DLGAP2: variants seen among roughly 807,000 people sequenced by gnomAD.
DLGAP2 encodes the protein DLG associated protein 2.
Under a neutral mutation model 100.3 loss-of-function variants are expected in DLGAP2, and 26 were observed. The ratio of observed to expected loss-of-function variants is 0.26; its 90% confidence interval spans 0.19 to 0.36. The LOEUF is 0.36. Ranked by LOEUF, DLGAP2 falls within the 10% of genes least tolerant of loss-of-function variation. The pLI, the probability that DLGAP2 is intolerant of heterozygous loss-of-function variation, is 1.00. For synonymous variants in DLGAP2, 886 were observed against 630.1 expected (o/e 1.41, Z -6.08); for missense variants, 1,858 against 1,453.2 (o/e 1.28, Z -4.53).
At chr8:1,468,673 C>T (rs146938297) in intron 3 of DLGAP2, among the ~76,000 whole-genome samples, 6 of 152,250 alleles carry the variant, frequency 3.9e-5, no homozygotes, top group South Asian at 2.1e-4. Context: ...CTGGGGCTGC[C>T]GTAAAACGTG....
At chr8:1,484,996 G>A (rs35803366) in intron 3 of DLGAP2, among the ~76,000 whole-genome samples, 291 of 152,202 alleles carry the variant, frequency 1.9e-3, no homozygotes, top group Non-Finnish European at 3.1e-3. Context: ...CTTAAATTCC[G>A]CTAATAATAA....
intron 3 of DLGAP2, among the ~76,000 whole-genome samples, chr8:1,392,272 A>T (rs1424142428): frequency 6.6e-6 from 1 of 152,108 alleles, no homozygotes. Flanking sequence ...TCCAGATCCC[A>T]GGTCGAGGCG....
intron 2 of DLGAP2, among the ~76,000 whole-genome samples, chr8:1,111,871 G>A (rs541666470): frequency 1.3e-5 from 2 of 152,054 alleles, no homozygotes; most frequent in Non-Finnish European, 2.9e-5. Flanking sequence ...GAGCATTCAC[G>A]TGCATGTGTC....
chr8:798,708 C>T (rs751158906), intron 1 of DLGAP2, among the ~76,000 whole-genome samples: 11 of 124,866 alleles, frequency 8.8e-5, no homozygotes, highest in Non-Finnish European at 1.8e-4. Flanking sequence ...CCCCGTGCCC[C>T]GGCGCTGGCC....
chr8:739,971 G>C (rs998036530), intron 1 of DLGAP2: 3 of 152,206 alleles, frequency 2.0e-5, no homozygotes, highest in African/African-American at 7.2e-5. Context: ...GCTCGGGCGC[G>C]TGGGATCTGC....
intron 1 of DLGAP2, among the ~76,000 whole-genome samples, chr8:798,389 C>T (rs113068872): frequency 1.2e-3 from 101 of 83,248 alleles, no homozygotes; most frequent in African/African-American, 1.6e-3. Context: ...GGCCAGGTGA[C>T]GGGTGCCTGC....
At chr8:1,195,162 C>T (rs1011664486) in intron 2 of DLGAP2, among the ~76,000 whole-genome samples, 6 of 152,258 alleles carry the variant, frequency 3.9e-5, no homozygotes, top group Non-Finnish European at 7.3e-5. Context: ...GAACAGTGAA[C>T]ATCTGAAGAG....
At chr8:985,553 A>G (rs1422586511) in intron 2 of DLGAP2, among the ~76,000 whole-genome samples, 1 of 152,254 alleles carries the variant, frequency 6.6e-6, no homozygotes, top group Non-Finnish European at 1.5e-5. Context: ...AAATTTTACA[A>G]AGAGAATTTA....
At chr8:1,672,419 G>A (rs193032069) in intron 10 of DLGAP2, among the ~76,000 whole-genome samples, 1 of 152,068 alleles carries the variant, frequency 6.6e-6, no homozygotes, top group Admixed American at 6.5e-5. Context: ...GTAGAGATGG[G>A]GTTTCACCAT....
chr8:1,541,765 G>C (rs568588577), intron 4 of DLGAP2, among the ~76,000 whole-genome samples: 1 of 152,334 alleles, frequency 6.6e-6, no homozygotes, highest in Admixed American at 6.5e-5. Context: ...AGCCATTTGT[G>C]TGTAACTCAA....
At chr8:761,126 G>C (rs537087455) in intron 1 of DLGAP2, among the ~76,000 whole-genome samples, 35 of 152,282 alleles carry the variant, frequency 2.3e-4, no homozygotes, top group African/African-American at 8.2e-4. Context: ...TCTCTGCCCG[G>C]AGTGACCAGG....
intron 1 of DLGAP2, among the ~76,000 whole-genome samples, chr8:744,619 C>T (rs1336122652): frequency 6.6e-6 from 1 of 150,658 alleles, no homozygotes; most frequent in African/African-American, 2.5e-5. Context: ...CTTCTCCGGC[C>T]ACGTCGCCCT....
intron 2 of DLGAP2, among the ~76,000 whole-genome samples, chr8:1,131,515 A>G (rs1796293952): frequency 3.3e-5 from 5 of 151,960 alleles, no homozygotes; most frequent in Admixed American, 3.3e-4. Context: ...ACATAACCTC[A>G]TCCCACCCGA....
intron 2 of DLGAP2, among the ~76,000 whole-genome samples, chr8:1,122,853 C>T (rs990078084): frequency 3.9e-5 from 6 of 151,902 alleles, no homozygotes; most frequent in African/African-American, 1.5e-4. Flanking sequence ...TAGCTCCCCT[C>T]GTATTTGATG....
chr8:1,251,211 CTTAGCATTTAT>C (rs1214979201), intron 2 of DLGAP2, among the ~76,000 whole-genome samples: 2 of 152,164 alleles, frequency 1.3e-5, no homozygotes, highest in African/African-American at 2.4e-5. Flanking sequence ...TGGGCTTTTA[CTTAGCATTTAT>C]AAATATACAT....
rs547400654 is a variant in DLGAP2, at chr8:1,584,715, G to C, written c.1442+18821G>C. 1.3e-3 allele frequency among the ~76,000 whole-genome samples: 191 copies of C among 152,248 alleles called. 1 individual carries two copies. Among genetic ancestry groups the C allele is most frequent in the Non-Finnish European group, 2.2e-3 (150 of 68,016 alleles). On this transcript the variant is annotated intron_variant, in intron 6 of 14. Transcript: ENST00000637795. ...CGAATGGCACTTGGCACTTGCTCCT[G>C]GGGGTCTCTGCCCATCAGGGAAGCA...
intron 3 of DLGAP2, among the ~76,000 whole-genome samples, chr8:1,276,407 T>C (rs919471108): frequency 2.0e-5 from 3 of 152,026 alleles, no homozygotes; most frequent in Non-Finnish European, 4.4e-5. Flanking sequence ...TGGCCGCACG[T>C]TGGGAAACCC....
At chr8:1,533,588 A>G (rs1193122304) in intron 4 of DLGAP2, among the ~76,000 whole-genome samples, 5 of 152,142 alleles carry the variant, frequency 3.3e-5, no homozygotes, top group Admixed American at 2.6e-4. Flanking sequence ...TATTTTCAGG[A>G]TTTAAATTTA....
chr8:852,746 G>A (rs750467803), intron 1 of DLGAP2, among the ~76,000 whole-genome samples: 13 of 152,356 alleles, frequency 8.5e-5, no homozygotes, highest in Non-Finnish European at 1.5e-4. Context: ...GCAAGGCTGA[G>A]TGCATTCTCG....
Sources: allele counts gnomAD v4.1 joint callset (sites outside exome capture counted in the v4.1 genomes callset), GRCh38; gene constraint gnomAD v4.1.1; transcripts MANE v1.5; gene names NCBI Gene and HGNC (gene_info 2026-07-23, HGNC 2026-07-21).